Variants in GIPC2 observed in about 807,000 individuals in gnomAD.
The protein encoded by GIPC2 is PDZ domain-containing protein GIPC2.
A neutral mutation model predicts 30.6 loss-of-function variants in GIPC2; 30 were observed. The ratio of observed to expected loss-of-function variants is 0.98; its 90% CI spans 0.73 to 1.33. The LOEUF (loss-of-function observed/expected upper bound fraction) is 1.33. GIPC2 is among the 40% of genes most tolerant of loss of function. The pLI, the probability that GIPC2 is intolerant of heterozygous loss-of-function variation, is 0.00. For synonymous variants in GIPC2, 167 were observed against 150.0 expected, an observed-to-expected ratio of 1.11 and a Z score of -0.83; for missense variants, 414 against 390.3, an observed-to-expected ratio of 1.06 and a Z score of -0.51.
At position 78,135,795 on chromosome 1, in the gene GIPC2, T is replaced by C; in HGVS notation, c.*52T>C. The C allele has an allele frequency of 6.8e-7, 1 of 1,475,720 alleles. No homozygotes were observed. The highest frequency in any genetic ancestry group is 9.3e-7 in the Non-Finnish European group (1 of 1,075,766). 91.4% of individuals were successfully genotyped at this position (1,475,720 alleles called of 1,614,324 possible). A position where few individuals can be genotyped will look rare whatever the true frequency, so the allele number is the denominator to read the frequency against. On this transcript the variant is annotated 3_prime_UTR_variant, in exon 6 of 6. Transcript: ENST00000370759. ...AACCCATCGTTCTTTTTTTTCTCTT[T>C]TTTAAAAAGTCCTATAAGATCTGTT...
chr1:78,129,715 G>A lies in GIPC2; in HGVS notation c.796+3753G>A, dbSNP rs535909182. 9.9e-5 allele frequency among the ~76,000 whole-genome samples: 15 copies of A among 152,284 alleles called. 1 individual carries two copies. In the South Asian group the frequency reaches 2.9e-3, roughly 29 times the overall value. ...AAAAAAATTAAGCGTTCTAAAAGATGCTGAGTCCTATAAGACCTCACATGG... is the reference window on the plus strand; with the variant it reads ...AAAAAAATTAAGCGTTCTAAAAGATACTGAGTCCTATAAGACCTCACATGG... On this transcript the variant is annotated intron_variant, in intron 5 of 5. Coordinates refer to ENST00000370759, the MANE Select transcript of GIPC2 (RefSeq NM_017655.6).
rs748345679 is a variant in GIPC2 at position 78,095,091 on chromosome 1, A to G, written c.566A>G (p.Glu189Gly). The change falls in exon 3 of 6, where the codon GAA (glutamate) becomes GGA (glycine). Residue 189 changes from glutamate to glycine, a missense_variant. Physicochemically the swap from Glu to Gly is moderately conservative, Grantham distance 98. Transcript: ENST00000370759. ...AKKLKELKKE[E>G]LFTMKLIEPK... ...AAGTTAAAGGAATTAAAAAAGGAGG[A>G]ACTCTTTACTATGAAGTTAATAGAA... The G allele has an allele frequency of 3.7e-6, 6 of 1,612,722 alleles. No individual in the cohort carries two copies. Among genetic ancestry groups the G allele is most frequent in the Admixed American group, 1.7e-5 (1 of 59,974 alleles).
chr1:78,118,567 A>G (rs1662616003), intron 3 of GIPC2, among the ~76,000 whole-genome samples: 1 of 152,196 alleles, frequency 6.6e-6, no homozygotes, highest in South Asian at 2.1e-4. Context: ...AAACAAGCAT[A>G]AGGAAAGTAG....
At chr1:78,077,398 A>G (rs114016695) in intron 1 of GIPC2, among the ~76,000 whole-genome samples, 5,110 of 152,234 alleles carry the variant, frequency 0.034, 188 homozygotes, top group African/African-American at 0.099. Flanking sequence ...TTGTATTTCT[A>G]TTGGGCAGTG....
chr1:78,104,372 C>G (rs766060771), intron 3 of GIPC2, among the ~76,000 whole-genome samples: 2 of 152,006 alleles, frequency 1.3e-5, no homozygotes, highest in Non-Finnish European at 2.9e-5. Flanking sequence ...GCTCTGGGTT[C>G]TGGTGGGGAA....
At chr1:78,057,181 C>G (rs1048238140) in intron 1 of GIPC2, among the ~76,000 whole-genome samples, 8 of 152,148 alleles carry the variant, frequency 5.3e-5, no homozygotes, top group Admixed American at 3.9e-4. Context: ...GTCATCAGTT[C>G]TATTCTACTG....
chr1:78,106,278 G>A (rs1571512512), intron 3 of GIPC2, among the ~76,000 whole-genome samples: 2 of 149,934 alleles, frequency 1.3e-5, no homozygotes, highest in East Asian at 3.9e-4. Flanking sequence ...GGCAGATTAC[G>A]GCAGGGTGTG....
intron 3 of GIPC2, among the ~76,000 whole-genome samples, chr1:78,097,572 G>C (rs1363135431): frequency 6.6e-6 from 1 of 152,202 alleles, no homozygotes; most frequent in South Asian, 2.1e-4. Flanking sequence ...CTTTGTAGTG[G>C]TTAGGGAAAT....
intron 1 of GIPC2, among the ~76,000 whole-genome samples, chr1:78,068,705 T>G (rs186140393): frequency 2.0e-5 from 3 of 152,296 alleles, no homozygotes; most frequent in African/African-American, 7.2e-5. Context: ...GTTTATCATA[T>G]AATTATTAAT....
intron 4 of GIPC2, among the ~76,000 whole-genome samples, chr1:78,122,447 C>T (rs987952545): frequency 2.6e-5 from 4 of 152,170 alleles, no homozygotes; most frequent in Non-Finnish European, 5.9e-5. Flanking sequence ...GTTTAATTGA[C>T]TCACATTTCC....
intron 4 of GIPC2, among the ~76,000 whole-genome samples, chr1:78,124,381 A>G (rs1662743414): frequency 6.6e-6 from 1 of 152,208 alleles, no homozygotes; most frequent in African/African-American, 2.4e-5. Context: ...TAATCTATAC[A>G]ATATATTAAT....
intron 2 of GIPC2, among the ~76,000 whole-genome samples, chr1:78,081,237 C>T (rs1322860635): frequency 3.3e-5 from 5 of 152,000 alleles, no homozygotes; most frequent in Non-Finnish European, 5.9e-5. Context: ...GCCTTATTTA[C>T]TTCTTTAAAA....
At position 78,135,589 on chromosome 1, in the gene GIPC2, T is replaced by C. The variant is rs1406050752; in HGVS notation, c.797-3T>C. 1.3e-6 allele frequency: 2 copies of C among 1,508,590 alleles called. No homozygotes were observed. The highest frequency in any genetic ancestry group is 1.8e-6 in the Non-Finnish European group (2 of 1,114,956). The allele number at this position is 1,508,590 out of a possible 1,614,324, so 93.5% of individuals were successfully genotyped here. A position where few individuals can be genotyped will look rare whatever the true frequency, so the allele number is the denominator to read the frequency against. On this transcript the variant is annotated splice_polypyrimidine_tract_variant and splice_region_variant and intron_variant, in intron 5 of 5. Transcript: ENST00000370759. The stretch of plus-strand genomic sequence containing the variant: ...GTTAATTTTTTAATATTATTTTTGA[T>C]AGCCACCACAATGTTTGAAGCTGGA...
At position 78,046,331 on chromosome 1, in the gene GIPC2, G is replaced by C. The variant is rs374832712; in HGVS notation, c.237G>C (p.Ser79=). 1 of 1,609,568 alleles carries C rather than the reference G, an allele frequency of 6.2e-7. No individual in the cohort carries two copies. The change falls in exon 1 of 6, where the codon TCG becomes TCC. Residue 79 remains serine, a synonymous_variant. Transcript: ENST00000370759. ...CGGGCGCGTTTGAAATCTCGCCGTC[G>C]GAGGTAAGGCGCCAGGTGCTCAGGC... ...QIAGAFEISP[S]EILYCTLNTP...
At chr1:78,078,187 CAAA>C (rs10694093) in intron 1 of GIPC2, among the ~76,000 whole-genome samples, 2,574 of 64,912 alleles carry the variant, frequency 0.04, 12 homozygotes, top group Middle Eastern at 0.13. Flanking sequence ...GACTCCATCT[CAAA>C]AAAAAAAAAA....
chr1:78,097,169 G>T (rs1662153240), intron 3 of GIPC2, among the ~76,000 whole-genome samples: 1 of 152,048 alleles, frequency 6.6e-6, no homozygotes, highest in African/African-American at 2.4e-5. Context: ...CAATTCTCTT[G>T]GTTCTAATCT....
chr1:78,085,443 T>C (rs1236389416), intron 2 of GIPC2, among the ~76,000 whole-genome samples: 1 of 152,180 alleles, frequency 6.6e-6, no homozygotes, highest in Non-Finnish European at 1.5e-5. Context: ...TGTGGCCTCA[T>C]AGAATGAATT....
intron 1 of GIPC2, among the ~76,000 whole-genome samples, chr1:78,060,052 T>A (rs1013424735): frequency 1.3e-5 from 2 of 152,222 alleles, no homozygotes; most frequent in Admixed American, 6.5e-5. Context: ...TCAAATGTAA[T>A]GTTTGGAAAT....
chr1:78,111,161 G>A (rs1243077617), intron 3 of GIPC2, among the ~76,000 whole-genome samples: 1 of 152,176 alleles, frequency 6.6e-6, no homozygotes, highest in East Asian at 1.9e-4. Flanking sequence ...GGTTAGGGGA[G>A]GGAGCTGCAT....
Sources: gnomAD v4.1 joint callset for allele counts (sites outside exome capture counted in the v4.1 genomes callset) on GRCh38, gnomAD v4.1.1 for gene constraint, MANE v1.5 for transcripts, NCBI Gene and HGNC (gene_info 2026-07-23, HGNC 2026-07-21) for gene names.